Variants in MYO16 observed in about 807,000 individuals in gnomAD.
MYO16 encodes the protein myosin XVI.
A neutral mutation model predicts 205.3 loss-of-function variants in MYO16; 94 were observed. That is an observed-to-expected ratio of 0.46 (90% confidence interval 0.39 to 0.54). MYO16 has a LOEUF of 0.54. MYO16 is among the 20% of genes least tolerant of loss of function. The probability of loss-of-function intolerance (pLI) is 0.00; values close to 1 mark genes in which losing one functional copy is unlikely to be tolerated. For synonymous variants in MYO16, 988 were observed against 954.0 expected (o/e 1.04, Z -0.66); for missense variants, 2,315 against 2,387.5 (o/e 0.97, Z 0.63).
At chr13:108,656,295 T>C (rs987873663) in intron 1 of MYO16, among the ~76,000 whole-genome samples, 1 of 152,194 alleles carries the variant, frequency 6.6e-6, no homozygotes, top group African/African-American at 2.4e-5. Context: ...TTTCCATTTT[T>C]GCATCTTCCT....
chr13:108,844,314 AATTGTAGT>A, intron 9 of MYO16, 21 bp from the exon 10 acceptor site: 1 of 1,584,926 alleles, frequency 6.3e-7, no homozygotes, highest in Non-Finnish European at 8.6e-7. Flanking sequence ...GAAAGAGACT[AATTGTAGT>A]ATTGATTTTT....
the MYO16 span, among the ~76,000 whole-genome samples, chr13:108,533,202 G>T: frequency 6.6e-6 from 1 of 152,170 alleles, no homozygotes; most frequent in Non-Finnish European, 1.5e-5. Flanking sequence ...AACCTGTGTA[G>T]TCAAGGATTT....
At chr13:108,691,595 G>A (rs1882899309) in intron 2 of MYO16, among the ~76,000 whole-genome samples, 1 of 152,180 alleles carries the variant, frequency 6.6e-6, no homozygotes, top group South Asian at 2.1e-4. Flanking sequence ...CTGGAGTACA[G>A]TTACGGATCA....
At chr13:109,061,933 C>T (rs1169241052) in intron 27 of MYO16, among the ~76,000 whole-genome samples, 1 of 151,972 alleles carries the variant, frequency 6.6e-6, no homozygotes, top group African/African-American at 2.4e-5. Context: ...TATTAGAGTT[C>T]CTTAGATCTG....
chr13:109,031,850 G>A (rs1295837551), intron 23 of MYO16, among the ~76,000 whole-genome samples: 2 of 152,128 alleles, frequency 1.3e-5, no homozygotes, highest in Non-Finnish European at 2.9e-5. Context: ...GGCACTCACA[G>A]ACCCAATTCA....
chr13:108,876,776 C>T (rs1206116643), intron 12 of MYO16, among the ~76,000 whole-genome samples: 1 of 151,726 alleles, frequency 6.6e-6, no homozygotes. Flanking sequence ...AAGCGATTCT[C>T]CTGCCTCAGC....
At chr13:109,148,677 A>G (rs1877475065) in intron 32 of MYO16, among the ~76,000 whole-genome samples, 2 of 152,242 alleles carry the variant, frequency 1.3e-5, no homozygotes, top group Non-Finnish European at 2.9e-5. Context: ...CAGAGGCTTC[A>G]TAAGCTTTAT....
chr13:109,049,197 T>C (rs1213111195), intron 24 of MYO16, among the ~76,000 whole-genome samples: 2 of 151,882 alleles, frequency 1.3e-5, no homozygotes, highest in African/African-American at 4.8e-5. Flanking sequence ...GAGGGACACT[T>C]CCGCTCTCAG....
intron 15 of MYO16, among the ~76,000 whole-genome samples, chr13:108,900,887 T>C (rs906500345): frequency 6.6e-6 from 1 of 152,204 alleles, no homozygotes; most frequent in Admixed American, 6.5e-5. Context: ...GGGAGAAATA[T>C]CGCTGAATTC....
chr13:108,634,173 C>T (rs562341650), intron 1 of MYO16, among the ~76,000 whole-genome samples: 24 of 152,270 alleles, frequency 1.6e-4, no homozygotes, highest in African/African-American at 5.5e-4. Flanking sequence ...CTTGTTTCTA[C>T]GGTAGGCACG....
chr13:108,526,807 T>C, the MYO16 span, among the ~76,000 whole-genome samples: 2 of 152,220 alleles, frequency 1.3e-5, no homozygotes, highest in African/African-American at 4.8e-5. Context: ...TGTTGGTCAC[T>C]ACATCTGCTG....
intron 2 of MYO16, among the ~76,000 whole-genome samples, chr13:108,681,214 A>G (rs531578195): frequency 6.6e-6 from 1 of 152,320 alleles, no homozygotes; most frequent in South Asian, 2.1e-4. Flanking sequence ...TTTTTCTAGA[A>G]ACTTCAGTCT....
At chr13:108,498,204 A>G in the MYO16 span, among the ~76,000 whole-genome samples, 2 of 152,108 alleles carry the variant, frequency 1.3e-5, no homozygotes, top group African/African-American at 4.8e-5. Flanking sequence ...CCAGGCCAAT[A>G]AAAACACATG....
At chr13:108,761,053 C>G (rs1885590821) in intron 4 of MYO16, among the ~76,000 whole-genome samples, 1 of 152,198 alleles carries the variant, frequency 6.6e-6, no homozygotes, top group African/African-American at 2.4e-5. Context: ...CGTGTGCACA[C>G]ATGCATCACA....
In MYO16 at chr13:108,917,032, CAGAAACTCGAATGTGAGAT is replaced by C. The variant is rs1566410041; in HGVS notation, c.1925+6883_1925+6901del. ...ATGTTTGCCCCAGGAATGTGAGATG[CAGAAACTCGAATGTGAGAT>C]GCAGAAACTCAAATGCGGCTTCTCT... is the stretch of plus-strand genomic sequence containing the variant. On this transcript the variant is annotated intron_variant, in intron 16 of 34. Coordinates refer to ENST00000457511, the MANE Select transcript of MYO16 (RefSeq NM_001198950.3). Among the ~76,000 whole-genome samples, 25 of 996 alleles carry C rather than the reference CAGAAACTCGAATGTGAGAT, an allele frequency of 0.025. No homozygotes were observed. The East Asian group carries it at 0.28, about 11-fold the overall frequency. The allele number at this position is 996 out of a possible 152,430, so 0.7% of individuals were successfully genotyped here.
intron 3 of MYO16, among the ~76,000 whole-genome samples, chr13:108,725,957 T>C (rs1298060503): frequency 6.6e-6 from 1 of 152,126 alleles, no homozygotes; most frequent in Non-Finnish European, 1.5e-5. Context: ...TATTTTGTTT[T>C]TCTTTTTTAG....
At chr13:108,993,217 A>C (rs1377897951) in intron 21 of MYO16, among the ~76,000 whole-genome samples, 1 of 152,172 alleles carries the variant, frequency 6.6e-6, no homozygotes, top group Non-Finnish European at 1.5e-5. Context: ...GTGTGGTAGG[A>C]TAAACAATTA....
chr13:108,533,963 G>A, the MYO16 span, among the ~76,000 whole-genome samples: 4 of 151,976 alleles, frequency 2.6e-5, no homozygotes, highest in African/African-American at 7.2e-5. Flanking sequence ...CCTTAGTTTT[G>A]CATAGTTGTG....
At chr13:108,536,126 G>A in the MYO16 span, among the ~76,000 whole-genome samples, 2 of 152,144 alleles carry the variant, frequency 1.3e-5, no homozygotes, top group African/African-American at 4.8e-5. Flanking sequence ...CAATGCCATT[G>A]GAATATATAG....
Sources: allele counts gnomAD v4.1 joint callset (sites outside exome capture counted in the v4.1 genomes callset), GRCh38; gene constraint gnomAD v4.1.1; transcripts MANE v1.5; gene names NCBI Gene and HGNC (gene_info 2026-07-23, HGNC 2026-07-21).